The following NFIB variants were observed in gnomAD, a reference collection of about 807,000 sequenced individuals.
The protein encoded by NFIB is nuclear factor 1 B-type.
A neutral mutation model predicts 61.5 loss-of-function variants in NFIB; 11 were observed. That is an observed-to-expected ratio of 0.18 (90% CI 0.11 to 0.30). The LOEUF is 0.30. NFIB is among the 10% of genes least tolerant of loss of function. The probability of loss-of-function intolerance (pLI) is 1.00; values close to 1 mark genes in which losing one functional copy is unlikely to be tolerated. For synonymous variants in NFIB, 260 were observed against 216.5 expected, an observed-to-expected ratio of 1.20 and a Z score of -1.76; for missense variants, 471 against 608.9, an observed-to-expected ratio of 0.77 and a Z score of 2.38.
At chr9:14,306,842 G>A in intron 2 of NFIB, 147 bp downstream of exon 2, 1 of 890,546 alleles carries the variant, frequency 1.1e-6, no homozygotes, top group Non-Finnish European at 1.7e-6. Flanking sequence ...GCGGACATGT[G>A]AGTGAAAGCG....
intron 5 of NFIB, among the ~76,000 whole-genome samples, chr9:14,149,473 T>C (rs779344803): frequency 2.0e-5 from 3 of 151,988 alleles, no homozygotes; most frequent in Non-Finnish European, 4.4e-5. Context: ...TTAACACATC[T>C]GTAATCTTTA....
At chr9:14,436,625 C>T in the NFIB span, among the ~76,000 whole-genome samples, 1 of 152,156 alleles carries the variant, frequency 6.6e-6, no homozygotes, top group South Asian at 2.1e-4. Context: ...TGACTCACTA[C>T]AAAAGGAAAA....
At chr9:14,495,574 C>T in the NFIB span, among the ~76,000 whole-genome samples, 7 of 149,452 alleles carry the variant, frequency 4.7e-5, no homozygotes, top group African/African-American at 9.9e-5. Context: ...TTGAGGGCAA[C>T]GCCAATCATT....
intron 1 of NFIB, among the ~76,000 whole-genome samples, chr9:14,358,129 G>A (rs1190762336): frequency 6.6e-6 from 1 of 151,532 alleles, no homozygotes; most frequent in African/African-American, 2.4e-5. Flanking sequence ...CCTTTAAATG[G>A]ATGAATTGCA....
chr9:14,344,909 C>A (rs1283264225), intron 1 of NFIB, among the ~76,000 whole-genome samples: 3 of 152,134 alleles, frequency 2.0e-5, no homozygotes, highest in Non-Finnish European at 4.4e-5. Flanking sequence ...GTTTAAATAA[C>A]CAGCAGAAGA....
chr9:14,527,276 T>A, the NFIB span, among the ~76,000 whole-genome samples: 1 of 152,190 alleles, frequency 6.6e-6, no homozygotes, highest in Non-Finnish European at 1.5e-5. Flanking sequence ...TAAAATTTTC[T>A]TTTTACTCAG....
At chr9:14,485,099 C>A in the NFIB span, among the ~76,000 whole-genome samples, 1 of 152,134 alleles carries the variant, frequency 6.6e-6, no homozygotes, top group Non-Finnish European at 1.5e-5. Flanking sequence ...CTTATTTAAC[C>A]TTAATTACCT....
At chr9:14,452,949 T>G in the NFIB span, among the ~76,000 whole-genome samples, 1 of 152,344 alleles carries the variant, frequency 6.6e-6, no homozygotes, top group Non-Finnish European at 1.5e-5. Context: ...AGTATGTGCT[T>G]TCTCAAAGGG....
intron 1 of NFIB, among the ~76,000 whole-genome samples, chr9:14,309,732 A>G (rs2060195890): frequency 6.6e-6 from 1 of 152,304 alleles, no homozygotes; most frequent in Non-Finnish European, 1.5e-5. Flanking sequence ...CCCTTTAGGA[A>G]TATATGCAAA....
chr9:14,438,938 A>G, the NFIB span, among the ~76,000 whole-genome samples: 32 of 152,184 alleles, frequency 2.1e-4, no homozygotes, highest in African/African-American at 3.4e-4. Context: ...AACGCCCCCA[A>G]TGACCACATT....
At chr9:14,507,803 C>G in the NFIB span, among the ~76,000 whole-genome samples, 1 of 152,242 alleles carries the variant, frequency 6.6e-6, no homozygotes, top group African/African-American at 2.4e-5. Context: ...ACCATCAAAA[C>G]TCTCTAATAG....
chr9:14,117,850 A>C (rs1312038685), intron 8 of NFIB, among the ~76,000 whole-genome samples: 2 of 152,172 alleles, frequency 1.3e-5, no homozygotes, highest in Non-Finnish European at 2.9e-5. Context: ...GTGCAGCAGT[A>C]ATGCAATTAA....
chr9:14,431,999 C>T, the NFIB span, among the ~76,000 whole-genome samples: 1 of 152,132 alleles, frequency 6.6e-6, no homozygotes, highest in Non-Finnish European at 1.5e-5. Flanking sequence ...GTGGGAAAAG[C>T]TTCTGAGGGA....
chr9:14,148,685 T>C (rs1325483935), intron 5 of NFIB, among the ~76,000 whole-genome samples: 1 of 151,976 alleles, frequency 6.6e-6, no homozygotes, highest in Non-Finnish European at 1.5e-5. Context: ...TCCGCAAGTG[T>C]GCTCTTTCCA....
intron 1 of NFIB, among the ~76,000 whole-genome samples, chr9:14,377,893 C>T (rs568677447): frequency 2.6e-5 from 4 of 152,190 alleles, no homozygotes; most frequent in Non-Finnish European, 4.4e-5. Context: ...TCCCCACTTA[C>T]GCCTATTTTC....
chr9:14,456,961 ATAAAT>A, the NFIB span, among the ~76,000 whole-genome samples: 157 of 152,356 alleles, frequency 1.0e-3, 2 homozygotes, highest in African/African-American at 2.9e-3. Context: ...CGATGGCTAA[ATAAAT>A]TATAGTACAG....
chr9:14,344,756 G>T (rs2060999010), intron 1 of NFIB, among the ~76,000 whole-genome samples: 3 of 147,612 alleles, frequency 2.0e-5, no homozygotes, highest in Non-Finnish European at 1.5e-5. Flanking sequence ...GGTAAAGAAA[G>T]GAAAGACAAA....
intron 1 of NFIB, among the ~76,000 whole-genome samples, chr9:14,334,858 C>G (rs2060866985): frequency 6.6e-6 from 1 of 152,130 alleles, no homozygotes; most frequent in Admixed American, 6.5e-5. Flanking sequence ...TTTCTACCTC[C>G]CTTACAACCA....
chr9:14,384,710 C>A (rs1008983021), intron 1 of NFIB, among the ~76,000 whole-genome samples: 1 of 152,110 alleles, frequency 6.6e-6, no homozygotes, highest in East Asian at 1.9e-4. Context: ...ACATGGTAAT[C>A]CCATACCATC....
Sources: gnomAD v4.1 joint callset for allele counts (sites outside exome capture counted in the v4.1 genomes callset) on GRCh38, gnomAD v4.1.1 for gene constraint, MANE v1.5 for transcripts, NCBI Gene and HGNC (gene_info 2026-07-23, HGNC 2026-07-21) for gene names.